The following CHD2 variants were observed in gnomAD, a reference collection of about 807,000 sequenced individuals.
CHD2 encodes ATP-dependent chromatin remodeler CHD2.
Under a neutral mutation model 243.9 loss-of-function variants are expected in CHD2, and 28 were observed. The ratio of observed to expected loss-of-function variants is 0.11; its 90% CI spans 0.09 to 0.16. CHD2 has a LOEUF of 0.16. CHD2 is among the 10% of genes least tolerant of loss of function. The pLI is 1.00. For missense variants in CHD2, 1,386 were observed against 2,209.8 expected (o/e 0.63, Z 7.47); for synonymous variants, 775 against 779.0 (o/e 0.99, Z 0.09).
At chr15:92,945,973 C>T (rs968620015) in intron 11 of CHD2, 65 bp from the exon 12 acceptor site, 8 of 1,497,224 alleles carry the variant, frequency 5.3e-6, no homozygotes, top group Non-Finnish European at 7.3e-6. Flanking sequence ...ATGCATAAAA[C>T]AGAATGTCAT....
In CHD2 at chr15:92,997,444, T is replaced by C; in HGVS notation, c.3885+41T>C. 1 of 1,495,210 alleles carries C rather than the reference T, an allele frequency of 6.7e-7. No homozygotes were observed. The highest frequency in any genetic ancestry group is 8.9e-7 in the Non-Finnish European group (1 of 1,120,736). The allele number at this position is 1,495,210 out of a possible 1,614,324, so 92.6% of individuals were successfully genotyped here. On this transcript the variant is annotated intron_variant, in intron 30 of 38. Coordinates refer to ENST00000394196, the MANE Select transcript of CHD2 (RefSeq NM_001271.4). This position sits in a 1 kb window ranked among gnomAD's most constrained non-coding sequence, Gnocchi z 4.1. ...ATGCTAGAGATTTCTAGAAGATTTG[T>C]TGTGTAATATTTTTATATCGATTAC...
At chr15:92,945,722 T>G in intron 10 of CHD2, 99 bp from the exon 11 acceptor site, 1 of 677,702 alleles carries the variant, frequency 1.5e-6, no homozygotes, top group Admixed American at 3.5e-5. Flanking sequence ...TTTTAAGGTG[T>G]GAGGTAGTAG....
chr15:93,025,131 G>A lies in CHD2; in HGVS notation c.*426G>A. 1 of 176,344 alleles carries A rather than the reference G, an allele frequency of 5.7e-6. No homozygotes were observed. Among genetic ancestry groups the A allele is most frequent in the Non-Finnish European group, 1.2e-5 (1 of 84,282 alleles). The allele number at this position is 176,344 out of a possible 1,614,324, so 10.9% of individuals were successfully genotyped here. ...TGCATGGAGGCTGCTGGGACCTGGT[G>A]AACAGTGTGTGATTTGGTTGATTTG... is the stretch of plus-strand genomic sequence containing the variant. On this transcript the variant is annotated 3_prime_UTR_variant, in exon 39 of 39. Transcript: ENST00000394196.
rs1623 is a variant in CHD2 at position 92,997,526 on chromosome 15, G to T, written c.3885+123G>T. On this transcript the variant is annotated intron_variant, in intron 30 of 38. Transcript: ENST00000394196. The surrounding 1 kb of genome is among the most constrained non-coding windows in gnomAD (Gnocchi z 4.1). ...ATTAGAAATTAGTATAGTCATTCTT[G>T]GAAATACTTCCATCTTTAGCAGATT... The T allele has an allele frequency of 1.2e-6, 1 of 844,222 alleles. No individual in the cohort carries two copies. The highest frequency in any genetic ancestry group is 2.4e-5 in the South Asian group (1 of 42,330). 52.3% of individuals were successfully genotyped at this position (844,222 alleles called of 1,614,324 possible).
chr15:92,926,621 A>G (rs1162577336), intron 3 of CHD2, among the ~76,000 whole-genome samples: 3 of 152,232 alleles, frequency 2.0e-5, no homozygotes, highest in African/African-American at 7.2e-5. Flanking sequence ...AGGTTGTTAC[A>G]GGTCTACAAA....
rs1163399756 is a variant in CHD2 at position 92,998,862 on chromosome 15, T to A, written c.4008+241T>A. On this transcript the variant is annotated intron_variant, in intron 31 of 38. Transcript: ENST00000394196. This position sits in a 1 kb window ranked among gnomAD's most constrained non-coding sequence, Gnocchi z 5.1. ...ACTTTGGGAGGCTGAGGCGGGCGGA[T>A]CACAAGGTCAGGAGATTGAGACCAT... is the stretch of plus-strand genomic sequence containing the variant. Among the ~76,000 whole-genome samples the A allele has an allele frequency of 1.3e-5, 2 of 151,922 alleles. No homozygotes were observed. Among genetic ancestry groups the A allele is most frequent in the Non-Finnish European group, 2.9e-5 (2 of 67,964 alleles).
intron 5 of CHD2, among the ~76,000 whole-genome samples, chr15:92,933,511 A>G (rs979766079): frequency 2.0e-5 from 3 of 152,176 alleles, no homozygotes; most frequent in Non-Finnish European, 2.9e-5. Context: ...TGCTGTTTTG[A>G]TTAAACTCTT....
chr15:93,019,993 A>T lies in CHD2; in HGVS notation c.4907-19A>T. On this transcript the variant is annotated intron_variant, in intron 37 of 38. Coordinates refer to ENST00000394196, the MANE Select transcript of CHD2 (RefSeq NM_001271.4). ...ATCCATTTCTTGCAGTCATCAGATC[A>T]TTCTTTCTTTTCCTGCAGATCGAGG... The T allele has an allele frequency of 6.2e-7, 1 of 1,603,434 alleles. No individual in the cohort carries two copies. The highest frequency in any genetic ancestry group is 8.5e-7 in the Non-Finnish European group (1 of 1,172,674).
chr15:92,993,404 G>T (rs562004282), intron 28 of CHD2, among the ~76,000 whole-genome samples: 1 of 152,286 alleles, frequency 6.6e-6, no homozygotes, highest in South Asian at 2.1e-4. Flanking sequence ...AGGATTTAGA[G>T]AATTAATTGG....
intron 37 of CHD2, 120 bp from the exon 38 acceptor site, chr15:93,019,892 C>A: frequency 8.4e-7 from 1 of 1,191,428 alleles, no homozygotes; most frequent in Non-Finnish European, 1.2e-6. Context: ...AAGATCGTGC[C>A]ACTGCACTCC....
intron 15 of CHD2, among the ~76,000 whole-genome samples, chr15:92,956,181 A>G (rs2053615874): frequency 1.3e-5 from 2 of 152,162 alleles, no homozygotes; most frequent in South Asian, 4.1e-4. Flanking sequence ...ATTTTTGCCC[A>G]GCATAGCAAT....
In CHD2 at chr15:92,998,630, G is replaced by A. The variant is rs369142709; in HGVS notation, c.4008+9G>A. 25 of 1,609,586 alleles carry A rather than the reference G, an allele frequency of 1.6e-5. No individual in the cohort carries two copies. The highest frequency in any genetic ancestry group is 4.5e-5 in the East Asian group (2 of 44,798). On this transcript the variant is annotated intron_variant, in intron 31 of 38. Transcript: ENST00000394196. This position sits in a 1 kb window ranked among gnomAD's most constrained non-coding sequence, Gnocchi z 5.1. ...TGACAGGTGGGGAAGAGGTGAGTAC[G>A]CTGCCAGCTGGTTGTTTTTCAGGGG...
intron 13 of CHD2, among the ~76,000 whole-genome samples, chr15:92,950,021 G>A (rs1567138699): frequency 1.3e-5 from 2 of 152,192 alleles, no homozygotes; most frequent in Non-Finnish European, 1.5e-5. Context: ...GGAAAACAAA[G>A]GAAGGGGGTT....
chr15:92,931,561 A>G (rs916527616), intron 5 of CHD2, among the ~76,000 whole-genome samples: 5 of 151,976 alleles, frequency 3.3e-5, no homozygotes, highest in Admixed American at 1.3e-4. Context: ...TTTTGTAGAC[A>G]TAGAGGTCTC....
Position 92,992,973 on chromosome 15 carries a change from G to A in CHD2, c.3570G>A (p.Glu1190=), listed in dbSNP as rs1304626183. ...TGTCAGCAATGCAGGAATACGAAGA[G>A]CAGCTGAAAGAAAATGCCAGCGAGG... The part of the protein sequence containing the change: ...SCVSAMQEYE[E]QLKENASEGK... Residue 1190 remains glutamate (E), a synonymous_variant, in exon 28 of 39, where the codon GAG becomes GAA. Transcript: ENST00000394196. The A allele has an allele frequency of 1.4e-5, 22 of 1,613,922 alleles. No homozygotes were observed. Among genetic ancestry groups the A allele is most frequent in the Non-Finnish European group, 1.6e-5 (19 of 1,180,016 alleles).
intron 25 of CHD2, 127 bp from the exon 26 acceptor site, chr15:92,985,371 G>T: frequency 1.1e-6 from 1 of 915,010 alleles, no homozygotes. Flanking sequence ...TTTGTCAAAG[G>T]AAAATTGACT....
chr15:93,006,456 C>T (rs1408859879), intron 34 of CHD2, among the ~76,000 whole-genome samples: 1 of 152,120 alleles, frequency 6.6e-6, no homozygotes, highest in Non-Finnish European at 1.5e-5. Flanking sequence ...CAGACGTAAC[C>T]ATGATTCTGA....
intron 20 of CHD2, among the ~76,000 whole-genome samples, chr15:92,977,067 A>G (rs1218727742): frequency 6.6e-6 from 1 of 152,112 alleles, no homozygotes; most frequent in Non-Finnish European, 1.5e-5. Context: ...TATCCTTGCT[A>G]AAGAGTGATA....
chr15:92,921,751 G>C (rs900147077), intron 2 of CHD2, among the ~76,000 whole-genome samples: 1 of 152,148 alleles, frequency 6.6e-6, no homozygotes, highest in Non-Finnish European at 1.5e-5. Flanking sequence ...TGCTTTCATA[G>C]CTGCCATTAG....
Sources: gnomAD v4.1 joint callset for allele counts (sites outside exome capture counted in the v4.1 genomes callset) on GRCh38, gnomAD v4.1.1 for gene constraint, Gnocchi (gnomAD v3.1) non-coding constraint, MANE v1.5 for transcripts, NCBI Gene and HGNC (gene_info 2026-07-23, HGNC 2026-07-21) for gene names.